MAEA: variants seen among roughly 807,000 people sequenced by gnomAD.
MAEA encodes macrophage erythroblast attacher, E3 ubiquitin ligase.
A neutral mutation model predicts 46.2 loss-of-function variants in MAEA; 22 were observed. That is an observed-to-expected ratio of 0.48 (90% CI 0.34 to 0.68). The LOEUF is 0.68. MAEA is among the 30% of genes least tolerant of loss of function. MAEA has a pLI of 0.01. For missense variants in MAEA, 393 were observed against 558.1 expected (o/e 0.70, Z 2.98); for synonymous variants, 246 against 222.6 (o/e 1.11, Z -0.94).
At chr4:1,320,710 C>G (rs1231215386) in intron 3 of MAEA, among the ~76,000 whole-genome samples, 2 of 151,942 alleles carry the variant, frequency 1.3e-5, no homozygotes, top group Non-Finnish European at 2.9e-5. Flanking sequence ...CATGAACATG[C>G]AAGAAGACGC....
Position 1,332,988 on chromosome 4 carries a change from G to T in MAEA, c.765+123G>T, listed in dbSNP as rs1712049513. On this transcript the variant is annotated intron_variant, in intron 6 of 8. Coordinates refer to ENST00000303400, the MANE Select transcript of MAEA (RefSeq NM_001017405.3). Reference sequence around the variant, plus strand: ...GGGCCCCATCCCAGCCACACAGCCTGTCCAGCCTGCCAAGACAAGCTTTTC... The same window carrying T: ...GGGCCCCATCCCAGCCACACAGCCTTTCCAGCCTGCCAAGACAAGCTTTTC... 3 of 617,512 alleles carry T rather than the reference G, an allele frequency of 4.9e-6. No individual in the cohort carries two copies. The South Asian group carries it at 6.7e-5, about 14-fold the overall frequency. The allele number at this position is 617,512 out of a possible 1,614,324, so 38.3% of individuals were successfully genotyped here.
chr4:1,306,885 G>T (rs1265780286), intron 1 of MAEA, among the ~76,000 whole-genome samples: 1 of 152,182 alleles, frequency 6.6e-6, no homozygotes, highest in Non-Finnish European at 1.5e-5. Context: ...GTGAGGTTTG[G>T]GTTGAGGGCC....
At chr4:1,327,565 A>T in intron 4 of MAEA, 62 bp from the exon 5 acceptor site, 1 of 1,212,978 alleles carries the variant, frequency 8.2e-7, no homozygotes, top group Admixed American at 1.7e-5. Flanking sequence ...CGGGTGCGGC[A>T]CCCGGGCACC....
intron 1 of MAEA, among the ~76,000 whole-genome samples, chr4:1,293,725 T>C (rs1294180665): frequency 6.6e-6 from 1 of 152,248 alleles, no homozygotes; most frequent in Non-Finnish European, 1.5e-5. Context: ...GAGGACAGGC[T>C]GAGAAACACC....
At position 1,327,715 on chromosome 4, in the gene MAEA, G is replaced by A. The variant is rs1739023256; in HGVS notation, c.656+12G>A. On this transcript the variant is annotated intron_variant, in intron 5 of 8. Transcript: ENST00000303400. ...CTGGACGCTGTGAGGTAGGCATTGC[G>A]GACGTGCGTCTCCTCGAGGGAGGGC... 3.1e-6 allele frequency: 5 copies of A among 1,611,790 alleles called. No homozygotes were observed. Among genetic ancestry groups the A allele is most frequent in the Admixed American group, 1.7e-5 (1 of 60,002 alleles).
At chr4:1,321,530 C>T (rs1291765057) in intron 3 of MAEA, among the ~76,000 whole-genome samples, 1 of 152,220 alleles carries the variant, frequency 6.6e-6, no homozygotes, top group African/African-American at 2.4e-5. Context: ...AAAGAGTAAT[C>T]ATCAAAGAAA....
intron 6 of MAEA, chr4:1,335,042 C>A (rs1186897179): frequency 2.0e-6 from 2 of 985,326 alleles, no homozygotes; most frequent in Non-Finnish European, 2.4e-6. Context: ...CGTCTCCCCC[C>A]AAGCTAGAGA....
At chr4:1,290,422 G>A (rs1733981684) in intron 1 of MAEA, among the ~76,000 whole-genome samples, 1 of 152,184 alleles carries the variant, frequency 6.6e-6, no homozygotes, top group Admixed American at 6.5e-5. Context: ...GAACTGTAGG[G>A]AGAAACCTCA....
At chr4:1,334,696 G>A (rs758456309) in intron 6 of MAEA, among the ~76,000 whole-genome samples, 5 of 152,232 alleles carry the variant, frequency 3.3e-5, no homozygotes, top group South Asian at 2.1e-4. Context: ...GGGCACAACC[G>A]TGTCTCGTGG....
At chr4:1,336,562 T>C (rs1393522352) in intron 6 of MAEA, among the ~76,000 whole-genome samples, 1 of 151,122 alleles carries the variant, frequency 6.6e-6, no homozygotes, top group Non-Finnish European at 1.5e-5. Flanking sequence ...GGCCTCGCAG[T>C]GTGTTGAAAT....
chr4:1,322,458 C>T lies in MAEA; in HGVS notation c.534C>T (p.Cys178=). ...ESLERRETAT[C]LAWCHDNKSR... is the part of the protein sequence containing the mutation. ...TGGAGAGGCGTGAGACGGCCACCTG[C>T]CTGGCCTGGTGCCATGACAACAAGT... Residue 178 remains cysteine (C), a synonymous_variant, in exon 4 of 9, where the codon TGC becomes TGT. Transcript: ENST00000303400. 2 of 1,614,026 alleles carry T rather than the reference C, an allele frequency of 1.2e-6. No homozygotes were observed. Among genetic ancestry groups the T allele is most frequent in the Non-Finnish European group, 1.7e-6 (2 of 1,180,024 alleles).
At position 1,339,055 on chromosome 4, in the gene MAEA, T is replaced by C. The variant is rs767339532; in HGVS notation, c.1096-19T>C. On this transcript the variant is annotated intron_variant, in intron 8 of 8. Coordinates refer to ENST00000303400, the MANE Select transcript of MAEA (RefSeq NM_001017405.3). ...GTTGTAGTCGCTTGCCTTAATGCAT[T>C]CCCGGTTTTATTTTTCAGTCTCTGC... The C allele has an allele frequency of 3.1e-6, 5 of 1,599,234 alleles. No individual in the cohort carries two copies. The highest frequency in any genetic ancestry group is 4.3e-6 in the Non-Finnish European group (5 of 1,166,664).
chr4:1,329,750 G>T (rs1365552506), intron 5 of MAEA: 3 of 985,488 alleles, frequency 3.0e-6, no homozygotes, highest in Non-Finnish European at 3.6e-6. Context: ...GAGGGAGTGC[G>T]GGTGTTTGGC....
chr4:1,295,640 A>T (rs1734558710), intron 1 of MAEA, among the ~76,000 whole-genome samples: 1 of 117,072 alleles, frequency 8.5e-6, no homozygotes, highest in African/African-American at 3.6e-5. Flanking sequence ...CATCACCCGT[A>T]CCTGTACCCC....
intron 6 of MAEA, chr4:1,334,775 C>A: frequency 1.5e-6 from 1 of 668,012 alleles, no homozygotes; most frequent in Non-Finnish European, 1.8e-6. Context: ...CAGAGAATGG[C>A]AGAAGCCACC....
In MAEA at chr4:1,332,801, A is replaced by G; in HGVS notation, c.701A>G (p.Asp234Gly). The part of the protein sequence containing the change: ...HFSQAEGSQL[D>G]EVRQAMGMLA... The stretch of plus-strand genomic sequence containing the variant: ...AGCCAAGCAGAAGGGAGCCAGCTGG[A>G]CGAGGTGCGCCAGGCCATGGGCATG... Residue 234 changes from aspartate to glycine, a missense_variant, in exon 6 of 9, where the codon GAC becomes GGC. By Grantham distance (94) the Asp-to-Gly change is moderately conservative (BLOSUM62 -1). Transcript: ENST00000303400. The G allele has an allele frequency of 6.2e-7, 1 of 1,613,372 alleles. No homozygotes were observed. The highest frequency in any genetic ancestry group is 8.5e-7 in the Non-Finnish European group (1 of 1,179,814).
At chr4:1,329,335 T>C (rs1312529470) in intron 5 of MAEA, 7 of 985,618 alleles carry the variant, frequency 7.1e-6, no homozygotes, top group Non-Finnish European at 8.4e-6. Context: ...TCTCTTTGCC[T>C]TGTTCCCCCT....
At chr4:1,309,627 C>T (rs1187421944) in intron 1 of MAEA, 1 of 1,527,368 alleles carries the variant, frequency 6.5e-7, no homozygotes, top group Admixed American at 2.0e-5. Context: ...GCGTGGGAGG[C>T]CTGAGGAGTA....
In MAEA at chr4:1,311,047, G is replaced by T. The variant is rs1736431865; in HGVS notation, c.70-932G>T. On this transcript the variant is annotated intron_variant, in intron 1 of 8. Coordinates refer to ENST00000303400, the MANE Select transcript of MAEA (RefSeq NM_001017405.3). The surrounding 1 kb of genome is among the most constrained non-coding windows in gnomAD (Gnocchi z 4.4). ...GGCGTGCCCAGGGCCGGGGGAGCAGGCGGTACCCGAGAGTCTGTCCTCCCA... is the reference window on the plus strand; with the variant it reads ...GGCGTGCCCAGGGCCGGGGGAGCAGTCGGTACCCGAGAGTCTGTCCTCCCA... Among the ~76,000 whole-genome samples, 1 of 126,098 alleles carries T rather than the reference G, an allele frequency of 7.9e-6. No individual in the cohort carries two copies. Among genetic ancestry groups the T allele is most frequent in the South Asian group, 2.8e-4 (1 of 3,566 alleles). 82.7% of individuals were successfully genotyped at this position (126,098 alleles called of 152,430 possible).
Sources: gnomAD v4.1 joint callset for allele counts (sites outside exome capture counted in the v4.1 genomes callset) on GRCh38, gnomAD v4.1.1 for gene constraint, Gnocchi (gnomAD v3.1) non-coding constraint, MANE v1.5 for transcripts, NCBI Gene and HGNC (gene_info 2026-07-23, HGNC 2026-07-21) for gene names.